Variants in RYR1 observed in about 807,000 individuals in gnomAD.
RYR1 encodes ryanodine receptor 1, also known as central core disease of muscle.
RYR1 carries 342 observed loss-of-function variants against 583.5 expected under a neutral mutation model. The observed-to-expected ratio is 0.59, with a 90% CI of 0.54 to 0.64. The LOEUF is 0.64. RYR1 is among the 30% of genes least tolerant of loss of function. The pLI is 0.00. For missense variants in RYR1, 6,032 were observed against 6,917.2 expected (o/e 0.87, Z 4.54); for synonymous variants, 2,791 against 2,822.5 (o/e 0.99, Z 0.35).
At chr19:38,507,943 T>C in intron 58 of RYR1, 116 bp downstream of exon 58, 2 of 708,536 alleles carry the variant, frequency 2.8e-6, no homozygotes, top group Non-Finnish European at 5.2e-6. Context: ...TTATCTGATG[T>C]TTATTGAGCT....
chr19:38,585,462 C>CCA (rs1568612479), intron 102 of RYR1, among the ~76,000 whole-genome samples: 5 of 145,510 alleles, frequency 3.4e-5, no homozygotes, highest in African/African-American at 1.3e-4. Context: ...GTGTGTGTGT[C>CCA]TATATATATA....
intron 20 of RYR1, among the ~76,000 whole-genome samples, chr19:38,462,958 A>ACAATCTTG (rs1228053082): frequency 7.7e-6 from 1 of 129,292 alleles, no homozygotes; most frequent in East Asian, 2.4e-4. Context: ...GTGCAGTGGC[A>ACAATCTTG]CAATCTTGGC....
intron 2 of RYR1, among the ~76,000 whole-genome samples, chr19:38,441,955 G>A (rs1268943284): frequency 6.6e-6 from 1 of 151,840 alleles, no homozygotes; most frequent in Non-Finnish European, 1.5e-5. Context: ...GAGGGATGTG[G>A]GGTCATCTGC....
chr19:38,460,949 T>C (rs1484793828), intron 20 of RYR1, among the ~76,000 whole-genome samples: 1 of 152,096 alleles, frequency 6.6e-6, no homozygotes, highest in Admixed American at 6.6e-5. Context: ...CACGCCATTG[T>C]ACTCCAGCCT....
intron 49 of RYR1, among the ~76,000 whole-genome samples, chr19:38,503,422 C>T (rs908660899): frequency 1.3e-5 from 2 of 152,134 alleles, no homozygotes; most frequent in Non-Finnish European, 2.9e-5. Context: ...AAGAGATACC[C>T]CCAACTCAGA....
intron 39 of RYR1, among the ~76,000 whole-genome samples, chr19:38,494,900 T>C (rs2145580356): frequency 7.1e-6 from 1 of 139,876 alleles, no homozygotes; most frequent in Admixed American, 7.5e-5. Flanking sequence ...TCACCCAGGC[T>C]GGAGTGCAAT....
chr19:38,523,115 C>A lies in RYR1; in HGVS notation c.10347C>A (p.His3449Gln). ...GEIFIYWSKS[H>Q]NFKREEQNFV... The stretch of plus-strand genomic sequence containing the variant: ...TCTTCATCTACTGGTCCAAGTCCCA[C>A]GTGAGTGCCCACCCCAACCGCCCTC... The change falls in exon 68 of 106, where the codon CAC becomes CAA. Residue 3449 changes from histidine to glutamine, a missense_variant and splice_region_variant. His to Gln is a conservative substitution (Grantham distance 24). Coordinates refer to ENST00000359596, the MANE Select transcript of RYR1 (RefSeq NM_000540.3). 6.2e-7 allele frequency: 1 copy of A among 1,613,690 alleles called. No individual in the cohort carries two copies. Among genetic ancestry groups the A allele is most frequent in the Non-Finnish European group, 8.5e-7 (1 of 1,179,916 alleles).
chr19:38,490,168 C>T lies in RYR1; in HGVS notation c.5907C>T (p.Leu1969=). 1 of 1,614,238 alleles carries T rather than the reference C, an allele frequency of 6.2e-7. No individual in the cohort carries two copies. Residue 1969 remains leucine, a synonymous_variant, in exon 36 of 106, where the codon CTC becomes CTT. Transcript: ENST00000359596. ...AAFAERYVDK[L]QANQRSRYGL... is the part of the protein sequence containing the mutation. ...TTGCGGAGCGCTATGTGGACAAGCT[C>T]CAGGCCAACCAGCGGAGCCGCTATG...
At position 38,469,221 on chromosome 19, in the gene RYR1, C is replaced by T. The variant is rs1198338181; in HGVS notation, c.3556+81C>T. ...CCCTGCACTGCCCTTCTGCCTCCAA[C>T]TCTCCCATCCCTACCTCCTCCCCTC... On this transcript the variant is annotated intron_variant, in intron 26 of 105. Coordinates refer to ENST00000359596, the MANE Select transcript of RYR1 (RefSeq NM_000540.3). The T allele has an allele frequency of 2.5e-6, 4 of 1,606,460 alleles. No individual in the cohort carries two copies. The East Asian group carries it at 8.9e-5, about 36-fold the overall frequency.
rs140962977 is a variant in RYR1, at chr19:38,535,041, A to G, written c.11360-100A>G. The G allele has an allele frequency of 4.5e-5, 57 of 1,266,602 alleles. No homozygotes were observed. The Middle Eastern group carries it at 1.0e-3, about 23-fold the overall frequency. The allele number at this position is 1,266,602 out of a possible 1,614,324, so 78.5% of individuals were successfully genotyped here. A position where few individuals can be genotyped will look rare whatever the true frequency, so the allele number is the denominator to read the frequency against. ...CATGCACACCTTGGCACACTCTTAAATCCCCTTCTCTCACATCCCTTGGGA... is the reference window on the plus strand; with the variant it reads ...CATGCACACCTTGGCACACTCTTAAGTCCCCTTCTCTCACATCCCTTGGGA... On this transcript the variant is annotated intron_variant, in intron 79 of 105. Coordinates refer to ENST00000359596, the MANE Select transcript of RYR1 (RefSeq NM_000540.3).
rs939572517 is a variant in RYR1 at position 38,517,537 on chromosome 19, G to A, written c.9864G>A (p.Gly3288=). The A allele has an allele frequency of 6.2e-7, 1 of 1,613,860 alleles. No individual in the cohort carries two copies. The highest frequency in any genetic ancestry group is 1.3e-5 in the African/African-American group (1 of 75,008). Residue 3288 remains glycine (G), a synonymous_variant, in exon 66 of 106, where the codon GGG becomes GGA. Coordinates refer to ENST00000359596, the MANE Select transcript of RYR1 (RefSeq NM_000540.3). ...CSYLPRWWER[G]PEAPPSALPA... Reference sequence around the variant, plus strand: ...ACCTGCCCCGATGGTGGGAGCGCGGGCCCGAGGCACCCCCTTCCGCCCTGC... The same window carrying A: ...ACCTGCCCCGATGGTGGGAGCGCGGACCCGAGGCACCCCCTTCCGCCCTGC...
chr19:38,585,854 C>T, intron 102 of RYR1, 84 bp from the exon 103 acceptor site: 1 of 1,526,444 alleles, frequency 6.6e-7, no homozygotes, highest in Non-Finnish European at 9.1e-7. Context: ...GGATGGAGGG[C>T]AAGCCCTGGA....
chr19:38,502,548 C>T lies in RYR1; in HGVS notation c.7656C>T (p.Arg2552=). 1 of 1,611,290 alleles carries T rather than the reference C, an allele frequency of 6.2e-7. No homozygotes were observed. Among genetic ancestry groups the T allele is most frequent in the South Asian group, 1.1e-5 (1 of 91,020 alleles). The stretch of plus-strand genomic sequence containing the variant: ...CCGAGATGGCGCTGGCGCTGAACCG[C>T]TACCTGTGCCTGGCCGTGCTGCCGC... ...STTEMALALN[R]YLCLAVLPLI... Residue 2552 remains arginine (R), a synonymous_variant, in exon 48 of 106, where the codon CGC becomes CGT. Transcript: ENST00000359596.
At chr19:38,536,104 G>C (rs978096158) in intron 82 of RYR1, 34 bp downstream of exon 82, 9 of 1,579,262 alleles carry the variant, frequency 5.7e-6, no homozygotes, top group Non-Finnish European at 7.7e-6. Flanking sequence ...CACCCCCTGA[G>C]ACATCTTCCT....
At chr19:38,560,916 C>T (rs1973102983) in intron 89 of RYR1, among the ~76,000 whole-genome samples, 197 bp from the exon 90 acceptor site, 1 of 150,936 alleles carries the variant, frequency 6.6e-6, no homozygotes, top group Admixed American at 6.6e-5. Flanking sequence ...GTCCCAGCTG[C>T]TCTGGATGCT....
intron 29 of RYR1, among the ~76,000 whole-genome samples, chr19:38,476,997 C>T (rs1968766607): frequency 2.0e-5 from 3 of 150,170 alleles, no homozygotes; most frequent in African/African-American, 2.5e-5. Context: ...TGCCTCTGCA[C>T]TCCAGCCTGG....
In RYR1 at chr19:38,505,325, C is replaced by T. The variant is rs147707463; in HGVS notation, c.8327C>T (p.Ser2776Phe). ...WAFDKIQNNW[S>F]YGENIDEELK... ...CATCTCTAGATCCAGAACAACTGGT[C>T]CTATGGAGAGAACATAGACGAGGAG... The change falls in exon 53 of 106, where the codon TCC becomes TTC. Residue 2776 changes from serine to phenylalanine, a missense_variant. Physicochemically the swap from Ser to Phe is radical, Grantham distance 155. Around this residue, in one of 11 missense-constraint regions of RYR1, gnomAD observed 1,493 missense variants for 1,715.5 expected, o/e 0.87. Transcript: ENST00000359596. The T allele has an allele frequency of 1.2e-3, 1,984 of 1,611,320 alleles. 4 individuals are homozygous for T. The highest frequency in any genetic ancestry group is 1.6e-3 in the Non-Finnish European group (1,895 of 1,178,402).
intron 1 of RYR1, among the ~76,000 whole-genome samples, chr19:38,440,532 CAAAT>C (rs1319649487): frequency 6.6e-6 from 1 of 152,080 alleles, no homozygotes; most frequent in Non-Finnish European, 1.5e-5. Context: ...GAGACTATTT[CAAAT>C]AAATAAATAA....
chr19:38,476,449 G>A (rs1968733907), intron 29 of RYR1, among the ~76,000 whole-genome samples: 2 of 151,980 alleles, frequency 1.3e-5, no homozygotes, highest in South Asian at 2.1e-4. Flanking sequence ...TACCCGCCTC[G>A]GTCTCGCAAA....
Sources: gnomAD v4.1 joint callset for allele counts (sites outside exome capture counted in the v4.1 genomes callset) on GRCh38, gnomAD v4.1.1 for gene constraint, gnomAD v4.1.1 regional missense constraint, MANE v1.5 for transcripts, NCBI Gene and HGNC (gene_info 2026-07-23, HGNC 2026-07-21) for gene names.